RBMS3: variants seen among roughly 807,000 people sequenced by gnomAD.
The protein encoded by RBMS3 is RNA-binding motif, single-stranded-interacting protein 3.
In RBMS3, 27 loss-of-function variants were observed where a neutral mutation model predicts 66.8. The observed-to-expected ratio is 0.40, with a 90% CI of 0.30 to 0.56. RBMS3 has a LOEUF of 0.56. RBMS3 is among the 20% of genes least tolerant of loss of function. RBMS3 has a pLI of 0.40. For synonymous variants in RBMS3, 188 were observed against 183.0 expected, an observed-to-expected ratio of 1.03 and a Z score of -0.22; for missense variants, 513 against 549.5, an observed-to-expected ratio of 0.93 and a Z score of 0.66.
intron 2 of RBMS3, among the ~76,000 whole-genome samples, chr3:29,444,785 T>A (rs1239021448): frequency 7.9e-6 from 1 of 127,060 alleles, no homozygotes; most frequent in Non-Finnish European, 1.6e-5. Flanking sequence ...CGGAAATATA[T>A]GCCTTTTTTT....
chr3:29,858,894 G>T (rs1186610545), intron 6 of RBMS3, among the ~76,000 whole-genome samples: 1 of 152,122 alleles, frequency 6.6e-6, no homozygotes, highest in African/African-American at 2.4e-5. Context: ...GTCAAAAGGT[G>T]ATTTCCTCTA....
chr3:29,553,685 C>T (rs2046250007), intron 3 of RBMS3, among the ~76,000 whole-genome samples: 1 of 151,578 alleles, frequency 6.6e-6, no homozygotes, highest in Admixed American at 6.6e-5. Context: ...ATCACATGTG[C>T]ATATATAATA....
intron 2 of RBMS3, among the ~76,000 whole-genome samples, chr3:29,476,895 C>T (rs1028947230): frequency 2.0e-5 from 3 of 152,050 alleles, no homozygotes; most frequent in East Asian, 1.9e-4. Flanking sequence ...TTGAGTGTTA[C>T]GAAGCTCAGA....
intron 6 of RBMS3, among the ~76,000 whole-genome samples, chr3:29,819,329 G>A (rs916870531): frequency 3.3e-5 from 5 of 152,088 alleles, no homozygotes; most frequent in Admixed American, 6.6e-5. Flanking sequence ...TTCTCTGGTG[G>A]CAATAAAAAG....
intron 4 of RBMS3, among the ~76,000 whole-genome samples, chr3:29,671,164 T>A (rs1208105128): frequency 1.3e-5 from 2 of 152,062 alleles, no homozygotes; most frequent in Non-Finnish European, 2.9e-5. Flanking sequence ...TCCAGCAAAC[T>A]CCAACAGACC....
At chr3:29,463,597 T>C (rs1023296271) in intron 2 of RBMS3, among the ~76,000 whole-genome samples, 2 of 143,842 alleles carry the variant, frequency 1.4e-5, no homozygotes, top group Non-Finnish European at 3.0e-5. Flanking sequence ...ACTAGGATTA[T>C]GTATTTCTGG....
chr3:29,468,884 C>G (rs945206756), intron 2 of RBMS3, among the ~76,000 whole-genome samples: 2 of 152,170 alleles, frequency 1.3e-5, no homozygotes, highest in African/African-American at 4.8e-5. Context: ...TGAGGATGCT[C>G]TCTAGATAAA....
intron 4 of RBMS3, among the ~76,000 whole-genome samples, chr3:29,709,679 A>C (rs1040322221): frequency 6.6e-6 from 1 of 152,236 alleles, no homozygotes; most frequent in African/African-American, 2.4e-5. Flanking sequence ...TGATTTATCC[A>C]GAATCTCTTA....
chr3:29,512,007 G>T (rs1335610019), intron 3 of RBMS3, among the ~76,000 whole-genome samples: 3 of 152,020 alleles, frequency 2.0e-5, no homozygotes, highest in Non-Finnish European at 2.9e-5. Flanking sequence ...TTATGTTATG[G>T]TACTAATATT....
At chr3:29,668,657 G>C (rs2050866341) in intron 4 of RBMS3, among the ~76,000 whole-genome samples, 1 of 152,102 alleles carries the variant, frequency 6.6e-6, no homozygotes, top group Non-Finnish European at 1.5e-5. Context: ...ACAAAAGGGT[G>C]GAATGAAGCT....
chr3:29,444,692 G>A (rs368079614), intron 2 of RBMS3, among the ~76,000 whole-genome samples: 46 of 150,898 alleles, frequency 3.0e-4, no homozygotes, highest in African/African-American at 1.1e-3. Context: ...TGGAAAACTT[G>A]AGCAGGAAAG....
rs1030420826 is a variant in RBMS3 at position 29,712,377 on chromosome 3, A to G, written c.400-27343A>G. 1.3e-5 allele frequency among the ~76,000 whole-genome samples: 2 copies of G among 152,068 alleles called. 1 individual carries two copies. The highest frequency in any genetic ancestry group is 1.3e-4 in the Admixed American group (2 of 15,266). On this transcript the variant is annotated intron_variant, in intron 4 of 14. Coordinates refer to ENST00000383767, the MANE Select transcript of RBMS3 (RefSeq NM_001003793.3). ...ACCCAAGCTGGAGTGCAATGATGCAATCTTGGCTCACTGCAACCTCTGCTT... is the reference window on the plus strand; with the variant it reads ...ACCCAAGCTGGAGTGCAATGATGCAGTCTTGGCTCACTGCAACCTCTGCTT...
intron 7 of RBMS3, among the ~76,000 whole-genome samples, chr3:29,870,166 G>T (rs954504535): frequency 3.3e-5 from 5 of 152,150 alleles, no homozygotes; most frequent in Non-Finnish European, 7.4e-5. Context: ...TAGAAAGGCA[G>T]TGGGTATTAC....
At chr3:30,003,166 C>T (rs528803845) in intron 14 of RBMS3, among the ~76,000 whole-genome samples, 1 of 151,970 alleles carries the variant, frequency 6.6e-6, no homozygotes, top group Non-Finnish European at 1.5e-5. Flanking sequence ...GTAAAGTCAT[C>T]CTGCTGGAAG....
intron 3 of RBMS3, among the ~76,000 whole-genome samples, chr3:29,585,178 A>C (rs2047471575): frequency 6.6e-6 from 1 of 152,150 alleles, no homozygotes; most frequent in Non-Finnish European, 1.5e-5. Context: ...AAGCCGATGA[A>C]CGGATGAGGA....
intron 6 of RBMS3, among the ~76,000 whole-genome samples, chr3:29,803,824 T>C (rs553841668): frequency 1.8e-4 from 28 of 152,170 alleles, no homozygotes; most frequent in African/African-American, 6.7e-4. Context: ...ACTGGTATGG[T>C]ATATTCTCAA....
chr3:29,935,525 G>A (rs1293423576), intron 10 of RBMS3, among the ~76,000 whole-genome samples: 1 of 152,012 alleles, frequency 6.6e-6, no homozygotes, highest in African/African-American at 2.4e-5. Flanking sequence ...GAAAACAAAT[G>A]GGAAATAGTA....
At chr3:29,724,283 CTT>C (rs562611160) in intron 4 of RBMS3, among the ~76,000 whole-genome samples, 12 of 152,080 alleles carry the variant, frequency 7.9e-5, no homozygotes, top group Admixed American at 5.9e-4. Flanking sequence ...ATTAACATGA[CTT>C]ATATTTACTT....
At chr3:29,635,665 A>G (rs2049447050) in intron 4 of RBMS3, among the ~76,000 whole-genome samples, 1 of 151,878 alleles carries the variant, frequency 6.6e-6, no homozygotes, top group Non-Finnish European at 1.5e-5. Flanking sequence ...AAAAGCCAGC[A>G]TGCGATAGAT....
Sources: gnomAD v4.1 joint callset for allele counts (sites outside exome capture counted in the v4.1 genomes callset) on GRCh38, gnomAD v4.1.1 for gene constraint, MANE v1.5 for transcripts, NCBI Gene and HGNC (gene_info 2026-07-23, HGNC 2026-07-21) for gene names.